The following VWC2L variants were observed in gnomAD, a reference collection of about 807,000 sequenced individuals.
VWC2L encodes von Willebrand factor C domain-containing protein 2-like.
Under a neutral mutation model 21.6 loss-of-function variants are expected in VWC2L, and 10 were observed. That is an observed-to-expected ratio of 0.46 (90% CI 0.29 to 0.78). The LOEUF (loss-of-function observed/expected upper bound fraction) is 0.78, where lower values mean the gene tolerates loss of function less well. VWC2L is among the 30% of genes least tolerant of loss of function. VWC2L has a pLI of 0.10. For missense variants in VWC2L, 209 were observed against 277.1 expected (o/e 0.75, Z 1.74); for synonymous variants, 96 against 94.3 (o/e 1.02, Z -0.10).
intron 3 of VWC2L, among the ~76,000 whole-genome samples, chr2:214,441,442 T>C (rs1048643699): frequency 7.9e-5 from 12 of 152,046 alleles, no homozygotes; most frequent in African/African-American, 2.2e-4. Context: ...GATAAGGAGA[T>C]AGAAATTAAA....
intron 2 of VWC2L, among the ~76,000 whole-genome samples, chr2:214,422,618 CTTATT>C (rs367843471): frequency 2.5e-3 from 377 of 152,240 alleles, no homozygotes; most frequent in African/African-American, 8.6e-3. Flanking sequence ...TGGGAACTGG[CTTATT>C]TTAGAGTCTG....
intron 3 of VWC2L, among the ~76,000 whole-genome samples, chr2:214,473,334 C>T (rs1465599754): frequency 3.3e-5 from 5 of 152,138 alleles, no homozygotes; most frequent in African/African-American, 9.7e-5. Context: ...CCCCAATTTT[C>T]AGTGGTTGAA....
chr2:214,530,544 C>T (rs1460738646), intron 3 of VWC2L, among the ~76,000 whole-genome samples: 1 of 152,068 alleles, frequency 6.6e-6, no homozygotes, highest in Non-Finnish European at 1.5e-5. Flanking sequence ...CAGACATAGA[C>T]CCCAATCCTG....
intron 3 of VWC2L, among the ~76,000 whole-genome samples, chr2:214,483,346 T>C (rs55988633): frequency 6.7e-6 from 1 of 149,024 alleles, no homozygotes; most frequent in African/African-American, 2.4e-5. Flanking sequence ...GGCTTAACTA[T>C]TTTTTTTTCT....
At chr2:214,531,660 T>C (rs1689438024) in intron 3 of VWC2L, among the ~76,000 whole-genome samples, 1 of 152,072 alleles carries the variant, frequency 6.6e-6, no homozygotes, top group African/African-American at 2.4e-5. Flanking sequence ...GAGCCAGAGG[T>C]ACCGTGGCCC....
chr2:214,552,862 C>G (rs571947155), intron 3 of VWC2L, among the ~76,000 whole-genome samples: 14 of 152,280 alleles, frequency 9.2e-5, no homozygotes, highest in Non-Finnish European at 1.9e-4. Context: ...CACTTGTAAG[C>G]CAAAGACATT....
At chr2:214,486,674 G>T (rs1183890709) in intron 3 of VWC2L, among the ~76,000 whole-genome samples, 3 of 152,116 alleles carry the variant, frequency 2.0e-5, no homozygotes, top group Non-Finnish European at 2.9e-5. Flanking sequence ...CAGCTAGCTG[G>T]ACCTTTAAGA....
chr2:214,482,661 A>ATT (rs879320217), intron 3 of VWC2L, among the ~76,000 whole-genome samples: 3 of 148,616 alleles, frequency 2.0e-5, no homozygotes, highest in African/African-American at 7.5e-5. Flanking sequence ...ATATATATAT[A>ATT]TATTTTTTTT....
At chr2:214,433,538 G>T (rs966170406) in intron 2 of VWC2L, among the ~76,000 whole-genome samples, 1 of 151,990 alleles carries the variant, frequency 6.6e-6, no homozygotes, top group Non-Finnish European at 1.5e-5. Context: ...ACATTTTCAG[G>T]TTTCATCTAT....
intron 3 of VWC2L, among the ~76,000 whole-genome samples, chr2:214,441,136 A>G (rs1217555855): frequency 1.3e-5 from 2 of 152,180 alleles, no homozygotes; most frequent in Non-Finnish European, 2.9e-5. Context: ...AAAATAAACT[A>G]GGCAAAGGGG....
In VWC2L at chr2:214,487,444, C is replaced by A. The variant is rs540227909; in HGVS notation, c.520+50686C>A. Among the ~76,000 whole-genome samples the A allele has an allele frequency of 4.6e-5, 7 of 152,138 alleles. No individual in the cohort carries two copies. In the South Asian group the frequency reaches 1.5e-3, roughly 32 times the overall value. On this transcript the variant is annotated intron_variant, in intron 3 of 3. Coordinates refer to ENST00000312504, the MANE Select transcript of VWC2L (RefSeq NM_001080500.4). Reference sequence around the variant, plus strand: ...AAGAGGTTTTCAAGCCTCCTAAAGACAAAACAAGGAAAGATATCACAGTGT... The same window carrying A: ...AAGAGGTTTTCAAGCCTCCTAAAGAAAAAACAAGGAAAGATATCACAGTGT...
intron 3 of VWC2L, among the ~76,000 whole-genome samples, chr2:214,538,085 T>C (rs1417228378): frequency 1.3e-5 from 2 of 152,030 alleles, no homozygotes; most frequent in African/African-American, 4.8e-5. Context: ...TGATTATGCT[T>C]GGAAATTGTG....
chr2:214,511,776 C>T (rs1359874854), intron 3 of VWC2L, among the ~76,000 whole-genome samples: 2 of 150,936 alleles, frequency 1.3e-5, no homozygotes, highest in Non-Finnish European at 2.9e-5. Context: ...ATTATTTAAA[C>T]TGAAAGTGTA....
chr2:214,422,485 C>G (rs910637713), intron 2 of VWC2L, among the ~76,000 whole-genome samples: 2 of 152,142 alleles, frequency 1.3e-5, no homozygotes, highest in Non-Finnish European at 2.9e-5. Flanking sequence ...TGAAGGACAG[C>G]ACAAGAAAAA....
In VWC2L at chr2:214,499,310, G is replaced by A. The variant is rs139146107; in HGVS notation, c.520+62552G>A. On this transcript the variant is annotated intron_variant, in intron 3 of 3. Transcript: ENST00000312504. ...TGGGATTACAGGCATGAGCCACTGC[G>A]CCCAGCCATACCACTCTGTTTCTTT... is the stretch of plus-strand genomic sequence containing the variant. Among the ~76,000 whole-genome samples, 338 of 152,110 alleles carry A rather than the reference G, an allele frequency of 2.2e-3. 2 individuals are homozygous for A. The East Asian group carries it at 0.043, about 19-fold the overall frequency.
At chr2:214,568,595 G>C (rs1483826513) in intron 3 of VWC2L, among the ~76,000 whole-genome samples, 1 of 152,150 alleles carries the variant, frequency 6.6e-6, no homozygotes, top group African/African-American at 2.4e-5. Context: ...GCTTGTGTAG[G>C]GGAACTCCCT....
At chr2:214,482,659 A>AT (rs1331568351) in intron 3 of VWC2L, among the ~76,000 whole-genome samples, 10 of 148,442 alleles carry the variant, frequency 6.7e-5, no homozygotes, top group African/African-American at 2.5e-4. Context: ...ATATATATAT[A>AT]TATATTTTTT....
At position 214,505,135 on chromosome 2, in the gene VWC2L, T is replaced by C. The variant is rs529277664; in HGVS notation, c.520+68377T>C. On this transcript the variant is annotated intron_variant, in intron 3 of 3. Transcript: ENST00000312504. The stretch of plus-strand genomic sequence containing the variant: ...AGAACTGTGTTCTCGTTTCCTATTT[T>C]GGCTACTGAAGTAGCCCCGGCCATA... Among the ~76,000 whole-genome samples, 6 of 152,354 alleles carry C rather than the reference T, an allele frequency of 3.9e-5. No homozygotes were observed. The East Asian group carries it at 1.2e-3, about 29-fold the overall frequency.
At chr2:214,445,013 A>G (rs1333640619) in intron 3 of VWC2L, among the ~76,000 whole-genome samples, 3 of 151,992 alleles carry the variant, frequency 2.0e-5, no homozygotes, top group Admixed American at 2.0e-4. Flanking sequence ...TGGGTAACAT[A>G]TAATTTCATC....
Sources: allele counts gnomAD v4.1 joint callset (sites outside exome capture counted in the v4.1 genomes callset), GRCh38; gene constraint gnomAD v4.1.1; transcripts MANE v1.5; gene names NCBI Gene and HGNC (gene_info 2026-07-23, HGNC 2026-07-21).